The following SCN4A variants were observed in gnomAD, a reference collection of about 807,000 sequenced individuals.
SCN4A encodes the protein sodium channel protein type 4 subunit alpha.
SCN4A carries 83 observed loss-of-function variants against 162.0 expected under a neutral mutation model. The observed-to-expected ratio is 0.51, with a 90% CI of 0.43 to 0.61. The LOEUF (loss-of-function observed/expected upper bound fraction) is 0.61, where lower values mean the gene tolerates loss of function less well. Among genes scored for constraint, SCN4A ranks in the 20% least tolerant of loss-of-function variants. The pLI, the probability that SCN4A is intolerant of heterozygous loss-of-function variation, is 0.00. For synonymous variants in SCN4A, 944 were observed against 985.1 expected, an observed-to-expected ratio of 0.96 and a Z score of 0.78; for missense variants, 2,196 against 2,462.5, an observed-to-expected ratio of 0.89 and a Z score of 2.29.
chr17:63,968,429 G>A lies in SCN4A; in HGVS notation c.704-74C>T, dbSNP rs546807065. On this transcript the variant is annotated intron_variant, in intron 5 of 23. Coordinates refer to ENST00000435607, the MANE Select transcript of SCN4A (RefSeq NM_000334.4). ...TAACAGAGCCCCCGCGGCCCCCACC[G>A]CCAAGCTTTTTCCTACTCCATCTTC... The A allele has an allele frequency of 1.8e-4, 234 of 1,280,788 alleles. 2 individuals are homozygous for A. The South Asian group carries it at 3.0e-3, about 16-fold the overall frequency. The allele number at this position is 1,280,788 out of a possible 1,614,324, so 79.3% of individuals were successfully genotyped here.
intron 13 of SCN4A, among the ~76,000 whole-genome samples, chr17:63,954,579 C>T (rs1481461139): frequency 6.6e-6 from 1 of 152,180 alleles, no homozygotes; most frequent in African/African-American, 2.4e-5. Flanking sequence ...TTCTTCTTCA[C>T]AGTTACCCGC....
At chr17:63,968,411 G>T in intron 5 of SCN4A, 56 bp from the exon 6 acceptor site, 2 of 1,410,992 alleles carry the variant, frequency 1.4e-6, no homozygotes, top group South Asian at 1.4e-5. Flanking sequence ...TGATAACAGA[G>T]CCCCCGCGGC....
chr17:63,963,363 C>T (rs141712501), intron 10 of SCN4A, among the ~76,000 whole-genome samples: 43 of 152,344 alleles, frequency 2.8e-4, no homozygotes, highest in African/African-American at 9.9e-4. Context: ...CCAAGGCCCT[C>T]CCGGAAGCCC....
chr17:63,965,602 C>G (rs942757121), intron 8 of SCN4A, among the ~76,000 whole-genome samples: 14 of 152,348 alleles, frequency 9.2e-5, no homozygotes, highest in African/African-American at 3.4e-4. Flanking sequence ...AATTCTCCCT[C>G]CTCAGCCTCC....
chr17:63,952,856 C>T (rs935963111), intron 13 of SCN4A, among the ~76,000 whole-genome samples: 2 of 152,126 alleles, frequency 1.3e-5, no homozygotes, highest in African/African-American at 4.8e-5. Flanking sequence ...CCAGCAGAGA[C>T]AGAGAGCAGA....
intron 14 of SCN4A, chr17:63,949,734 A>C: frequency 1.8e-6 from 1 of 542,366 alleles, no homozygotes; most frequent in Non-Finnish European, 3.2e-6. Flanking sequence ...TGACACTTAT[A>C]TAAGGAGTGG....
At position 63,941,419 on chromosome 17, in the gene SCN4A, G is replaced by A. The variant is rs769625349; in HGVS notation, c.4863C>T (p.Tyr1621=). 11 of 1,613,952 alleles carry A rather than the reference G, an allele frequency of 6.8e-6. No individual in the cohort carries two copies. The highest frequency in any genetic ancestry group is 4.5e-5 in the East Asian group (2 of 44,886). The change falls in exon 24 of 24, where the codon TAC becomes TAT. Residue 1621 remains tyrosine, a synonymous_variant. Transcript: ENST00000435607. This position sits in a 1 kb window ranked among gnomAD's most constrained non-coding sequence, Gnocchi z 6.2. ...PLGEDDFEMF[Y]ETWEKFDPDA... is the part of the protein sequence containing the mutation. ...CGGGGTCGAACTTCTCCCATGTCTCGTAGAACATCTCAAAGTCATCTTCAC... is the reference window on the plus strand; with the variant it reads ...CGGGGTCGAACTTCTCCCATGTCTCATAGAACATCTCAAAGTCATCTTCAC...
intron 5 of SCN4A, among the ~76,000 whole-genome samples, chr17:63,969,631 A>T (rs780494619): frequency 2.6e-5 from 4 of 151,710 alleles, no homozygotes; most frequent in Non-Finnish European, 5.9e-5. Context: ...TTTCTTTCTT[A>T]CTTTCTTTTC....
intron 13 of SCN4A, among the ~76,000 whole-genome samples, chr17:63,954,306 C>T (rs1909006563): frequency 6.6e-6 from 1 of 152,216 alleles, no homozygotes; most frequent in Non-Finnish European, 1.5e-5. Context: ...CCTTCCTCCC[C>T]GCCATGTCCC....
In SCN4A at chr17:63,943,765, T is replaced by A; in HGVS notation, c.3998A>T (p.Lys1333Met). The change falls in exon 22 of 24, where the codon AAG becomes ATG. Residue 1333 changes from lysine (K) to methionine (M), a missense_variant. Physicochemically the swap from Lys to Met is moderately conservative, Grantham distance 95. Coordinates refer to ENST00000435607, the MANE Select transcript of SCN4A (RefSeq NM_000334.4). ...MKKLGSKKPQ[K>M]PIPRPQNKIQ... ...CTGTACCTGGGGCCGGGGAATTGGC[T>A]TCTGAGGCTTCTTGGAGCCAAGCTT... 1.2e-6 allele frequency: 2 copies of A among 1,612,020 alleles called. No individual in the cohort carries two copies. The highest frequency in any genetic ancestry group is 1.7e-6 in the Non-Finnish European group (2 of 1,178,226).
rs780442650 is a variant in SCN4A, at chr17:63,959,256, T to G, written c.2019+9A>C. On this transcript the variant is annotated intron_variant, in intron 12 of 23. Coordinates refer to ENST00000435607, the MANE Select transcript of SCN4A (RefSeq NM_000334.4). Reference sequence around the variant, plus strand: ...CATCCCAGCCCCTGGCCCTGGGGCTTTTGTGTACCAGACGGAAGGAGCGTA... The same window carrying G: ...CATCCCAGCCCCTGGCCCTGGGGCTGTTGTGTACCAGACGGAAGGAGCGTA... 1 of 1,605,264 alleles carries G rather than the reference T, an allele frequency of 6.2e-7. No homozygotes were observed. Among genetic ancestry groups the G allele is most frequent in the Non-Finnish European group, 8.5e-7 (1 of 1,172,950 alleles).
rs1405913507 is a variant in SCN4A, at chr17:63,972,303, T to C, written c.392+49A>G. ...GGGTCTCCTGGGCCACAGCACCCCATCTCGCCCATCCCTAACCCCTCCCGC... is the reference window on the plus strand; with the variant it reads ...GGGTCTCCTGGGCCACAGCACCCCACCTCGCCCATCCCTAACCCCTCCCGC... On this transcript the variant is annotated intron_variant, in intron 2 of 23. Transcript: ENST00000435607. This position sits in a 1 kb window ranked among gnomAD's most constrained non-coding sequence, Gnocchi z 4.3. 1.9e-6 allele frequency: 3 copies of C among 1,591,776 alleles called. No homozygotes were observed. The South Asian group carries it at 3.4e-5, about 18-fold the overall frequency.
rs2144781601 is a variant in SCN4A, at chr17:63,947,107, A to G, written c.3379T>C (p.Ser1127Pro). The G allele has an allele frequency of 6.4e-7, 1 of 1,566,562 alleles. No individual in the cohort carries two copies. The highest frequency in any genetic ancestry group is 2.4e-5 in the East Asian group (1 of 41,146). Residue 1127 changes from serine (S) to proline (P), a missense_variant, in exon 18 of 24, where the codon TCC (serine) becomes CCC (proline). Physicochemically the swap from Ser to Pro is moderately conservative, Grantham distance 74 (BLOSUM62 -1). Transcript: ENST00000435607. ...CGCAGGGCCCGCAGTGTCCGCAGGG[A>G]TTTGATGGGTCCCAGCTCCGAGTAG... ...LGYSELGPIKSLRTLRALRPL... is the reference protein window; with the variant it reads ...LGYSELGPIKPLRTLRALRPL...
chr17:63,951,715 G>C lies in SCN4A; in HGVS notation c.2562C>G (p.Ile854Met), dbSNP rs1288151722. The change falls in exon 14 of 24, where the codon ATC (isoleucine) becomes ATG (methionine). Residue 854 changes from isoleucine to methionine, a missense_variant. Coordinates refer to ENST00000435607, the MANE Select transcript of SCN4A (RefSeq NM_000334.4). The surrounding 1 kb of genome is among the most constrained non-coding windows in gnomAD (Gnocchi z 4.5). ...CGTCAGCCTCCCCGAGGCTGAGCAT[G>C]ATGTCCTTGGGGCTCAGGATCTTGC... is the stretch of plus-strand genomic sequence containing the variant. Reference protein sequence around the residue: ...LHGKILSPKDIMLSLGEADGA... With the variant: ...LHGKILSPKDMMLSLGEADGA... The C allele has an allele frequency of 3.1e-6, 5 of 1,595,120 alleles. No homozygotes were observed. Among genetic ancestry groups the C allele is most frequent in the Non-Finnish European group, 3.4e-6 (4 of 1,170,644 alleles).
chr17:63,960,874 C>G lies in SCN4A; in HGVS notation c.1845+319G>C, dbSNP rs77136990. Among the ~76,000 whole-genome samples, 9,814 of 151,848 alleles carry G rather than the reference C, an allele frequency of 0.065. 734 individuals carry two copies. Among genetic ancestry groups the G allele is most frequent in the African/African-American group, 0.18 (7,623 of 41,230 alleles). ...GCTAGCCCCTTCACCCCTATCTCCA[C>G]ACCCCCATTTCCTCACCCCTGCTTC... On this transcript the variant is annotated intron_variant, in intron 11 of 23. Coordinates refer to ENST00000435607, the MANE Select transcript of SCN4A (RefSeq NM_000334.4).
chr17:63,946,411 C>T (rs916851109), intron 18 of SCN4A, among the ~76,000 whole-genome samples: 14 of 151,186 alleles, frequency 9.3e-5, no homozygotes, highest in African/African-American at 2.9e-4. Context: ...CCCGCTGGAG[C>T]AGGTCTTGCT....
chr17:63,969,059 T>C (rs1597985995), intron 5 of SCN4A, among the ~76,000 whole-genome samples: 1 of 152,114 alleles, frequency 6.6e-6, no homozygotes, highest in African/African-American at 2.4e-5. Flanking sequence ...GACAGGCTGG[T>C]CTCGAACTCC....
chr17:63,963,930 C>T, intron 9 of SCN4A, 105 bp from the exon 10 acceptor site: 1 of 1,116,524 alleles, frequency 9.0e-7, no homozygotes, highest in African/African-American at 1.6e-5. Flanking sequence ...GTGGCAGCCC[C>T]TCTTCCTGGC....
In SCN4A at chr17:63,972,341, G is replaced by A; in HGVS notation, c.392+11C>T. The A allele has an allele frequency of 6.2e-7, 1 of 1,611,680 alleles. No homozygotes were observed. Among genetic ancestry groups the A allele is most frequent in the South Asian group, 1.1e-5 (1 of 90,888 alleles). On this transcript the variant is annotated intron_variant, in intron 2 of 23. Coordinates refer to ENST00000435607, the MANE Select transcript of SCN4A (RefSeq NM_000334.4). This position sits in a 1 kb window ranked among gnomAD's most constrained non-coding sequence, Gnocchi z 4.3. ...TAACCCCTCCCGCCTCTCCCATCTT[G>A]GGCAGGATATGCATGGATGAGCACC...
Sources: allele counts gnomAD v4.1 joint callset (sites outside exome capture counted in the v4.1 genomes callset), GRCh38; gene constraint gnomAD v4.1.1; non-coding constraint Gnocchi (gnomAD v3.1); transcripts MANE v1.5; gene names NCBI Gene and HGNC (gene_info 2026-07-23, HGNC 2026-07-21).